The following NAA16 variants were observed in gnomAD, a reference collection of about 807,000 sequenced individuals.
NAA16 encodes the protein N-alpha-acetyltransferase 16, NatA auxiliary subunit.
Under a neutral mutation model 110.3 loss-of-function variants are expected in NAA16, and 97 were observed. That is an observed-to-expected ratio of 0.88 (90% CI 0.75 to 1.04). NAA16 has a LOEUF of 1.04. NAA16 is among the 50% of genes least tolerant of loss of function. The pLI is 0.00. For missense variants in NAA16, 1,017 were observed against 1,005.1 expected (o/e 1.01, Z -0.16); for synonymous variants, 372 against 330.6 (o/e 1.13, Z -1.36).
At position 41,369,784 on chromosome 13, in the gene NAA16, T is replaced by C. The variant is rs1464699630; in HGVS notation, c.1947+501T>C. On this transcript the variant is annotated intron_variant, in intron 15 of 19. Transcript: ENST00000379406. ...CCCAAGCTAAGGAGTGTGGGCAGTCTAGAGAGGCTGAAAAAGGCATTGAAC... is the reference window on the plus strand; with the variant it reads ...CCCAAGCTAAGGAGTGTGGGCAGTCCAGAGAGGCTGAAAAAGGCATTGAAC... Among the ~76,000 whole-genome samples the C allele has an allele frequency of 3.9e-5, 6 of 152,110 alleles. No homozygotes were observed. In the East Asian group the frequency reaches 7.7e-4, roughly 20 times the overall value.
chr13:41,351,294 TC>T (rs1245721363), intron 9 of NAA16, among the ~76,000 whole-genome samples: 12 of 152,166 alleles, frequency 7.9e-5, no homozygotes, highest in African/African-American at 2.9e-4. Context: ...GTCCCACCCT[TC>T]TCACACCTCA....
At chr13:41,335,344 A>G (rs1255881981) in intron 8 of NAA16, among the ~76,000 whole-genome samples, 1 of 152,164 alleles carries the variant, frequency 6.6e-6, no homozygotes, top group Non-Finnish European at 1.5e-5. Flanking sequence ...TTCATTTTAC[A>G]GTGATAAAAC....
At chr13:41,365,889 G>A (rs540707795) in intron 13 of NAA16, among the ~76,000 whole-genome samples, 17 of 152,214 alleles carry the variant, frequency 1.1e-4, no homozygotes, top group African/African-American at 3.1e-4. Flanking sequence ...TTTTTCAGAT[G>A]TTTCTCAACC....
intron 10 of NAA16, among the ~76,000 whole-genome samples, chr13:41,357,526 T>C (rs1334633629): frequency 6.6e-6 from 1 of 152,270 alleles, no homozygotes; most frequent in Non-Finnish European, 1.5e-5. Flanking sequence ...TAATGTGTGC[T>C]ATAGTATGTT....
At chr13:41,323,281 A>G in intron 5 of NAA16, 91 bp downstream of exon 5, 2 of 1,285,078 alleles carry the variant, frequency 1.6e-6, no homozygotes, top group East Asian at 4.7e-5. Context: ...AAAGTATTTG[A>G]AACCTATGGA....
chr13:41,323,005 G>A, intron 4 of NAA16, 51 bp from the exon 5 acceptor site: 1 of 1,505,302 alleles, frequency 6.6e-7, no homozygotes, highest in Middle Eastern at 1.7e-4. Flanking sequence ...TCTTAAAACT[G>A]ATGAAATAAT....
At chr13:41,320,952 G>A (rs1425500493) in intron 4 of NAA16, 128 bp downstream of exon 4, 7 of 743,314 alleles carry the variant, frequency 9.4e-6, no homozygotes, top group South Asian at 2.2e-5. Flanking sequence ...GGTGTATGTC[G>A]CTTGGGACCT....
At chr13:41,338,144 T>G (rs1035794463) in intron 9 of NAA16, among the ~76,000 whole-genome samples, 14 of 152,178 alleles carry the variant, frequency 9.2e-5, no homozygotes, top group Non-Finnish European at 2.9e-5. Flanking sequence ...TTTGTTCTTT[T>G]TGGTGAGGGT....
intron 9 of NAA16, among the ~76,000 whole-genome samples, chr13:41,337,066 T>C (rs1327084539): frequency 2.6e-5 from 4 of 152,352 alleles, no homozygotes; most frequent in East Asian, 1.9e-4. Context: ...GGTACAGTTA[T>C]GGATTTTTAA....
At chr13:41,340,280 C>G (rs1226659723) in intron 9 of NAA16, among the ~76,000 whole-genome samples, 1 of 152,108 alleles carries the variant, frequency 6.6e-6, no homozygotes, top group Non-Finnish European at 1.5e-5. Flanking sequence ...AAAAAACCAG[C>G]TCTTGGATTC....
intron 15 of NAA16, among the ~76,000 whole-genome samples, chr13:41,371,970 T>G (rs969629227): frequency 2.0e-4 from 31 of 152,226 alleles, no homozygotes; most frequent in African/African-American, 7.2e-4. Context: ...TTTTTTTGTT[T>G]TTAATAAAAT....
Position 41,358,800 on chromosome 13 carries a change from T to C in NAA16, c.1258-10T>C. On this transcript the variant is annotated splice_polypyrimidine_tract_variant and intron_variant, in intron 11 of 19. Coordinates refer to ENST00000379406, the MANE Select transcript of NAA16 (RefSeq NM_024561.5). Reference sequence around the variant, plus strand: ...TTATAAATTGTGGTTCCTTTAATTATCTTTTATAGCATATAGGTAATCTCA... The same window carrying C: ...TTATAAATTGTGGTTCCTTTAATTACCTTTTATAGCATATAGGTAATCTCA... 6.4e-7 allele frequency: 1 copy of C among 1,556,502 alleles called. No homozygotes were observed. Among genetic ancestry groups the C allele is most frequent in the African/African-American group, 1.4e-5 (1 of 72,788 alleles).
intron 10 of NAA16, among the ~76,000 whole-genome samples, chr13:41,357,837 A>G (rs1007537472): frequency 2.0e-5 from 3 of 152,220 alleles, no homozygotes; most frequent in Admixed American, 6.5e-5. Flanking sequence ...TCTTCTTCCT[A>G]TAGGTCATAG....
At chr13:41,342,632 C>T (rs1360414913) in intron 9 of NAA16, among the ~76,000 whole-genome samples, 1 of 152,160 alleles carries the variant, frequency 6.6e-6, no homozygotes, top group Non-Finnish European at 1.5e-5. Context: ...TTCACAACAT[C>T]TGTAGCAGCT....
chr13:41,355,854 T>G (rs756754050), intron 10 of NAA16, among the ~76,000 whole-genome samples: 2 of 152,236 alleles, frequency 1.3e-5, no homozygotes, highest in Non-Finnish European at 2.9e-5. Flanking sequence ...TCTACCCTCT[T>G]ATTACTTTTA....
chr13:41,336,406 T>C (rs1403027228), intron 8 of NAA16, among the ~76,000 whole-genome samples: 2 of 152,188 alleles, frequency 1.3e-5, no homozygotes, highest in Non-Finnish European at 2.9e-5. Flanking sequence ...GCTTTATGCA[T>C]ATCTGCAGGG....
At chr13:41,357,737 A>T (rs2043023269) in intron 10 of NAA16, among the ~76,000 whole-genome samples, 1 of 152,198 alleles carries the variant, frequency 6.6e-6, no homozygotes, top group Admixed American at 6.5e-5. Flanking sequence ...AAGTGTATAT[A>T]TGTGACTGCT....
Position 41,376,733 on chromosome 13 carries a change from C to T in NAA16, c.*1131C>T, listed in dbSNP as rs1376630378. 6.6e-6 allele frequency: 1 copy of T among 152,164 alleles called. No individual in the cohort carries two copies. The highest frequency in any genetic ancestry group is 6.5e-5 in the Admixed American group (1 of 15,288). The allele number at this position is 152,164 out of a possible 1,614,324, so 9.4% of individuals were successfully genotyped here. ...AGATTTGAAACTCATTAGTTTAACT[C>T]TTAAAACATAGTGTTGTTAAACAGT... On this transcript the variant is annotated 3_prime_UTR_variant, in exon 20 of 20. Coordinates refer to ENST00000379406, the MANE Select transcript of NAA16 (RefSeq NM_024561.5).
intron 9 of NAA16, among the ~76,000 whole-genome samples, chr13:41,347,435 A>G (rs1001439996): frequency 6.6e-6 from 1 of 152,080 alleles, no homozygotes; most frequent in Non-Finnish European, 1.5e-5. Flanking sequence ...TCTGCAGATC[A>G]TTTTGGAAGT....
Sources: allele counts gnomAD v4.1 joint callset (sites outside exome capture counted in the v4.1 genomes callset), GRCh38; gene constraint gnomAD v4.1.1; transcripts MANE v1.5; gene names NCBI Gene and HGNC (gene_info 2026-07-23, HGNC 2026-07-21).